Variants in GABBR2 observed in about 807,000 individuals in gnomAD.
GABBR2 encodes G-protein coupled receptor 51.
GABBR2 carries 23 observed loss-of-function variants against 105.6 expected under a neutral mutation model. That is an observed-to-expected ratio of 0.22 (90% CI 0.16 to 0.31). The LOEUF (loss-of-function observed/expected upper bound fraction) is 0.31. Ranked by LOEUF, GABBR2 falls within the 10% of genes least tolerant of loss-of-function variation. The pLI is 1.00. For synonymous variants in GABBR2, 478 were observed against 499.7 expected (o/e 0.96, Z 0.58); for missense variants, 734 against 1,245.5 (o/e 0.59, Z 6.18).
chr9:98,633,905 G>A (rs1312507632), intron 1 of GABBR2, among the ~76,000 whole-genome samples: 1 of 152,198 alleles, frequency 6.6e-6, no homozygotes, highest in Non-Finnish European at 1.5e-5. Flanking sequence ...GTTGGGAGCT[G>A]TCTACCAGAA....
chr9:98,501,482 C>T (rs1443649078), intron 3 of GABBR2, among the ~76,000 whole-genome samples: 1 of 152,094 alleles, frequency 6.6e-6, no homozygotes, highest in Non-Finnish European at 1.5e-5. Context: ...ATTTTTAAAA[C>T]ATATCACATC....
At chr9:98,514,257 G>A (rs2131701784) in intron 3 of GABBR2, among the ~76,000 whole-genome samples, 1 of 134,060 alleles carries the variant, frequency 7.5e-6, no homozygotes, top group East Asian at 2.0e-4. Context: ...ACTGTTGTGG[G>A]GTAGGGGGAG....
chr9:98,414,219 GA>G (rs1832643746), intron 7 of GABBR2, among the ~76,000 whole-genome samples: 1 of 152,230 alleles, frequency 6.6e-6, no homozygotes, highest in African/African-American at 2.4e-5. Context: ...CCCTAATTTA[GA>G]CTGGAGGCCA....
chr9:98,323,019 C>T (rs1452448002), intron 13 of GABBR2, among the ~76,000 whole-genome samples: 2 of 152,134 alleles, frequency 1.3e-5, no homozygotes, highest in African/African-American at 4.8e-5. Flanking sequence ...CAATCAACCA[C>T]CGCAGACACG....
intron 4 of GABBR2, among the ~76,000 whole-genome samples, chr9:98,488,729 A>G (rs1827113191): frequency 6.6e-6 from 1 of 152,086 alleles, no homozygotes; most frequent in Admixed American, 6.5e-5. Flanking sequence ...GAGACAGGTC[A>G]TTTAAAAATG....
Position 98,299,326 on chromosome 9 carries a change from T to C in GABBR2, c.2440A>G (p.Met814Val), listed in dbSNP as rs756702706. Reference protein sequence around the residue: ...ELDKDLEEVTMQLQDTPEKTT... With the variant: ...ELDKDLEEVTVQLQDTPEKTT... ...TTTTCTGGTGTGTCCTGCAGCTGCA[T>C]GGTGACCTCTTCCAAGTCTTTATCC... Residue 814 changes from methionine to valine, a missense_variant, in exon 17 of 19, where the codon ATG becomes GTG. By Grantham distance (21) the Met-to-Val change is conservative. Coordinates refer to ENST00000259455, the MANE Select transcript of GABBR2 (RefSeq NM_005458.8). 4 of 1,613,938 alleles carry C rather than the reference T, an allele frequency of 2.5e-6. No individual in the cohort carries two copies.
chr9:98,424,558 G>T (rs529676244), intron 7 of GABBR2, among the ~76,000 whole-genome samples: 1 of 151,804 alleles, frequency 6.6e-6, no homozygotes, highest in African/African-American at 2.4e-5. Context: ...GTTTGCAGAC[G>T]ACATGATTGT....
intron 13 of GABBR2, among the ~76,000 whole-genome samples, chr9:98,355,226 G>C (rs1394966212): frequency 6.6e-6 from 1 of 151,908 alleles, no homozygotes; most frequent in East Asian, 1.9e-4. Context: ...ACTGATCACA[G>C]ATCACCATAA....
chr9:98,447,414 T>C (rs1826152466), intron 7 of GABBR2, among the ~76,000 whole-genome samples: 2 of 152,096 alleles, frequency 1.3e-5, no homozygotes, highest in African/African-American at 4.8e-5. Context: ...AAGACACCAA[T>C]GTCTGGCTGG....
At chr9:98,308,540 G>T (rs1397033525) in intron 14 of GABBR2, among the ~76,000 whole-genome samples, 1 of 152,158 alleles carries the variant, frequency 6.6e-6, no homozygotes, top group Non-Finnish European at 1.5e-5. Flanking sequence ...CTTGAGATGA[G>T]ATCATCCTGG....
rs937081060 is a variant in GABBR2 at position 98,685,952 on chromosome 9, G to A, written c.321+22465C>T. ...AATCCTCCCGCCTTGGCCTCACAAA[G>A]TATCGGGATTACAGGTATGAGCCAC... On this transcript the variant is annotated intron_variant, in intron 1 of 18. Coordinates refer to ENST00000259455, the MANE Select transcript of GABBR2 (RefSeq NM_005458.8). Among the ~76,000 whole-genome samples the A allele has an allele frequency of 3.3e-5, 5 of 152,118 alleles. No individual in the cohort carries two copies. In the East Asian group the frequency reaches 9.6e-4, roughly 29 times the overall value.
chr9:98,586,481 G>A (rs1829079299), intron 1 of GABBR2, among the ~76,000 whole-genome samples: 1 of 152,030 alleles, frequency 6.6e-6, no homozygotes, highest in African/African-American at 2.4e-5. Flanking sequence ...CGTATTTTTA[G>A]TAGAGACGAG....
intron 8 of GABBR2, among the ~76,000 whole-genome samples, chr9:98,398,086 CTA>C (rs1832325967): frequency 6.6e-6 from 1 of 152,144 alleles, no homozygotes; most frequent in Non-Finnish European, 1.5e-5. Flanking sequence ...GTGGATATGT[CTA>C]TATCCAGTCT....
chr9:98,306,093 G>A lies in GABBR2; in HGVS notation c.2229+28C>T. ...CCCTGTGCTGGAGTCAGAGGGCAGA[G>A]GCCAGGTGGTGGGGCCAGCGCCTGT... On this transcript the variant is annotated intron_variant, in intron 15 of 18. Transcript: ENST00000259455. The surrounding 1 kb of genome is among the most constrained non-coding windows in gnomAD (Gnocchi z 5.4). 2.6e-6 allele frequency: 4 copies of A among 1,525,666 alleles called. No homozygotes were observed. Among genetic ancestry groups the A allele is most frequent in the Admixed American group, 1.7e-5 (1 of 59,330 alleles). 94.5% of individuals were successfully genotyped at this position (1,525,666 alleles called of 1,614,324 possible). A position where few individuals can be genotyped will look rare whatever the true frequency, so the allele number is the denominator to read the frequency against.
At chr9:98,648,492 A>G (rs1588268329) in intron 1 of GABBR2, among the ~76,000 whole-genome samples, 1 of 152,220 alleles carries the variant, frequency 6.6e-6, no homozygotes, top group Admixed American at 6.5e-5. Flanking sequence ...ACGTTTTGAC[A>G]TCACCTTCAA....
chr9:98,544,250 G>T (rs538240401), intron 2 of GABBR2, among the ~76,000 whole-genome samples: 23 of 152,240 alleles, frequency 1.5e-4, no homozygotes, highest in Non-Finnish European at 2.6e-4. Context: ...CGCTTCTTCT[G>T]TCACCCTAGA....
intron 7 of GABBR2, among the ~76,000 whole-genome samples, chr9:98,444,177 A>G (rs1411971720): frequency 6.6e-6 from 1 of 152,248 alleles, no homozygotes; most frequent in African/African-American, 2.4e-5. Context: ...GGCACCTACT[A>G]TGTCCCAGGC....
chr9:98,471,963 G>A (rs763730900), intron 6 of GABBR2, among the ~76,000 whole-genome samples: 26 of 152,152 alleles, frequency 1.7e-4, no homozygotes, highest in Non-Finnish European at 3.2e-4. Context: ...GTGCCAGTAC[G>A]AGCTAAAGAG....
intron 1 of GABBR2, among the ~76,000 whole-genome samples, chr9:98,637,707 G>C (rs567256035): frequency 6.6e-6 from 1 of 152,244 alleles, no homozygotes; most frequent in Non-Finnish European, 1.5e-5. Context: ...GCTTCTAGAA[G>C]CTGGAAAAGG....
Sources: gnomAD v4.1 joint callset for allele counts (sites outside exome capture counted in the v4.1 genomes callset) on GRCh38, gnomAD v4.1.1 for gene constraint, Gnocchi (gnomAD v3.1) non-coding constraint, MANE v1.5 for transcripts, NCBI Gene and HGNC (gene_info 2026-07-23, HGNC 2026-07-21) for gene names.